PDE8B: variants seen among roughly 807,000 people sequenced by gnomAD.
The protein encoded by PDE8B is high affinity cAMP-specific and IBMX-insensitive 3',5'-cyclic phosphodiesterase 8B.
A neutral mutation model predicts 101.3 loss-of-function variants in PDE8B; 26 were observed. The ratio of observed to expected loss-of-function variants is 0.26; its 90% CI spans 0.19 to 0.36. The LOEUF is 0.36. Among genes scored for constraint, PDE8B ranks in the 10% least tolerant of loss-of-function variants. The pLI is 1.00. For synonymous variants in PDE8B, 424 were observed against 429.3 expected, an observed-to-expected ratio of 0.99 and a Z score of 0.15; for missense variants, 810 against 1,163.1, an observed-to-expected ratio of 0.70 and a Z score of 4.42.
At chr5:77,117,537 A>T in the PDE8B span, among the ~76,000 whole-genome samples, 1 of 151,924 alleles carries the variant, frequency 6.6e-6, no homozygotes, top group Admixed American at 6.6e-5. Context: ...GGACAGGGTA[A>T]GGAGTGGAGA....
chr5:77,220,935 A>G (rs1750966195), intron 1 of PDE8B, among the ~76,000 whole-genome samples: 1 of 152,194 alleles, frequency 6.6e-6, no homozygotes, highest in Admixed American at 6.5e-5. Context: ...CCAAGGTCAC[A>G]CAGCTAGGGA....
chr5:77,415,885 A>G lies in PDE8B; in HGVS notation c.1912-2344A>G, dbSNP rs181398921. ...TCCTGAATAAGAAACTATTTGAAAG[A>G]CAGATCTAGAATGAAACCCTTTCCT... On this transcript the variant is annotated intron_variant, in intron 17 of 21. Transcript: ENST00000264917. 1.6e-4 allele frequency among the ~76,000 whole-genome samples: 25 copies of G among 152,372 alleles called. No homozygotes were observed. The East Asian group carries it at 4.8e-3, about 29-fold the overall frequency.
At chr5:77,137,161 A>C in the PDE8B span, among the ~76,000 whole-genome samples, 1 of 152,158 alleles carries the variant, frequency 6.6e-6, no homozygotes, top group African/African-American at 2.4e-5. Flanking sequence ...TTTTGCTGAC[A>C]GGGGAAAGGA....
At position 77,329,106 on chromosome 5, in the gene PDE8B, A is replaced by G. The variant is rs138088764; in HGVS notation, c.650+49A>G. ...ATGGAAGGAGTACTGTTCATTCTGA[A>G]ATATTTGTCAGATGTAATCTGGTTT... is the stretch of plus-strand genomic sequence containing the variant. On this transcript the variant is annotated intron_variant, in intron 4 of 21. Transcript: ENST00000264917. 490 of 1,447,898 alleles carry G rather than the reference A, an allele frequency of 3.4e-4. 1 individual carries two copies. In the African/African-American group the frequency reaches 5.9e-3, roughly 17 times the overall value. 89.7% of individuals were successfully genotyped at this position (1,447,898 alleles called of 1,614,324 possible).
At chr5:77,247,637 T>A (rs932860829) in intron 1 of PDE8B, among the ~76,000 whole-genome samples, 1 of 152,044 alleles carries the variant, frequency 6.6e-6, no homozygotes, top group Non-Finnish European at 1.5e-5. Flanking sequence ...CCTCATGAGA[T>A]CCCTGCAGAG....
At chr5:77,150,919 C>T in the PDE8B span, among the ~76,000 whole-genome samples, 1 of 152,200 alleles carries the variant, frequency 6.6e-6, no homozygotes, top group Non-Finnish European at 1.5e-5. Context: ...CCTGTCTGCC[C>T]CCTAACCTGT....
At chr5:77,316,237 A>C (rs1366018544) in intron 2 of PDE8B, among the ~76,000 whole-genome samples, 1 of 151,940 alleles carries the variant, frequency 6.6e-6, no homozygotes, top group Admixed American at 6.6e-5. Context: ...TGAAATTATT[A>C]TTACTATTAT....
At chr5:77,337,181 G>A (rs562513868) in intron 5 of PDE8B, 46 bp from the exon 6 acceptor site, 1 of 1,040,690 alleles carries the variant, frequency 9.6e-7, no homozygotes, top group Non-Finnish European at 1.5e-6. Context: ...GACTCTCTAA[G>A]AAGTAATTAT....
At chr5:77,265,128 G>T (rs1370695832) in intron 1 of PDE8B, among the ~76,000 whole-genome samples, 2 of 152,144 alleles carry the variant, frequency 1.3e-5, no homozygotes, top group Non-Finnish European at 2.9e-5. Flanking sequence ...TAGCACTGTG[G>T]CAGGTAACTC....
At chr5:77,369,255 C>T (rs1046609053) in intron 10 of PDE8B, among the ~76,000 whole-genome samples, 2 of 140,978 alleles carry the variant, frequency 1.4e-5, no homozygotes, top group Non-Finnish European at 3.1e-5. Context: ...ATGTTTTGAT[C>T]AAAACATTAA....
At chr5:77,302,352 C>A (rs1026889554) in intron 1 of PDE8B, among the ~76,000 whole-genome samples, 1 of 152,168 alleles carries the variant, frequency 6.6e-6, no homozygotes, top group African/African-American at 2.4e-5. Flanking sequence ...TTAAGAAAGA[C>A]CAGTGACAGT....
chr5:77,413,314 G>A lies in PDE8B; in HGVS notation c.1911+5G>A. On this transcript the variant is annotated splice_donor_5th_base_variant and intron_variant, in intron 17 of 21. Coordinates refer to ENST00000264917, the MANE Select transcript of PDE8B (RefSeq NM_003719.5). ...CTTGGAAAGGAAAGAGTAAAGGTAG[G>A]ATTTTGATATCATGACCTAGTTACC... 2 of 1,612,448 alleles carry A rather than the reference G, an allele frequency of 1.2e-6. No homozygotes were observed. The highest frequency in any genetic ancestry group is 8.5e-7 in the Non-Finnish European group (1 of 1,178,552).
chr5:77,302,545 C>T (rs1225085415), intron 1 of PDE8B, among the ~76,000 whole-genome samples: 2 of 152,168 alleles, frequency 1.3e-5, no homozygotes, highest in African/African-American at 4.8e-5. Context: ...TTGTGCACAC[C>T]GACTTCCCTA....
chr5:77,124,623 TTA>T, the PDE8B span, among the ~76,000 whole-genome samples: 1 of 151,682 alleles, frequency 6.6e-6, no homozygotes, highest in Non-Finnish European at 1.5e-5. Context: ...AATATGTTTC[TTA>T]TATAAAGAGA....
chr5:77,130,882 C>T, the PDE8B span, among the ~76,000 whole-genome samples: 2 of 152,266 alleles, frequency 1.3e-5, no homozygotes, highest in African/African-American at 4.8e-5. Flanking sequence ...CCAGTTTACT[C>T]ATGAAGAAAC....
At chr5:77,097,684 T>TA in the PDE8B span, among the ~76,000 whole-genome samples, 19 of 38,606 alleles carry the variant, frequency 4.9e-4, no homozygotes, top group African/African-American at 1.3e-3. Flanking sequence ...TTGTGGAGAT[T>TA]TTATATATCT....
the PDE8B span, among the ~76,000 whole-genome samples, chr5:77,171,415 G>A: frequency 6.6e-6 from 1 of 152,186 alleles, no homozygotes; most frequent in Non-Finnish European, 1.5e-5. Flanking sequence ...TTGGTTCCTT[G>A]TACATTTGTT....
rs565039205 is a variant in PDE8B, at chr5:77,279,829, G to A, written c.340-32165G>A. ...CCAACTTTGGGTTTTCTGGAAGTGA[G>A]AGTGACAATCTCAGTCTCATGGGGT... On this transcript the variant is annotated intron_variant, in intron 1 of 21. Transcript: ENST00000264917. Among the ~76,000 whole-genome samples the A allele has an allele frequency of 4.6e-5, 7 of 152,290 alleles. No homozygotes were observed. In the South Asian group the frequency reaches 8.3e-4, roughly 18 times the overall value.
intron 4 of PDE8B, 111 bp downstream of exon 4, chr5:77,329,168 A>G: frequency 1.3e-6 from 1 of 785,144 alleles, no homozygotes; most frequent in Admixed American, 1.9e-5. Context: ...CTTGGGTCCT[A>G]GAACACCAGC....
Sources: gnomAD v4.1 joint callset for allele counts (sites outside exome capture counted in the v4.1 genomes callset) on GRCh38, gnomAD v4.1.1 for gene constraint, MANE v1.5 for transcripts, NCBI Gene and HGNC (gene_info 2026-07-23, HGNC 2026-07-21) for gene names.